The following TGS1 variants were observed in gnomAD, a reference collection of about 807,000 sequenced individuals.
TGS1 encodes trimethylguanosine synthase.
In TGS1, 69 loss-of-function variants were observed where a neutral mutation model predicts 92.2. The ratio of observed to expected loss-of-function variants is 0.75; its 90% CI spans 0.62 to 0.91. The LOEUF (loss-of-function observed/expected upper bound fraction) is 0.91, where lower values mean the gene tolerates loss of function less well. Ranked by LOEUF, TGS1 falls within the 40% of genes least tolerant of loss-of-function variation. The probability of loss-of-function intolerance (pLI) is 0.00; values close to 1 mark genes in which losing one functional copy is unlikely to be tolerated. For missense variants in TGS1, 1,062 were observed against 1,001.2 expected (o/e 1.06, Z -0.82); for synonymous variants, 345 against 338.1 (o/e 1.02, Z -0.22).
chr8:55,788,892 C>T (rs1056640792), intron 4 of TGS1, among the ~76,000 whole-genome samples: 1 of 152,144 alleles, frequency 6.6e-6, no homozygotes, highest in Non-Finnish European at 1.5e-5. Context: ...GACTTACAGT[C>T]TCATTTACCC....
Position 55,786,596 on chromosome 8 carries a change from C to A in TGS1, c.698C>A (p.Thr233Lys), listed in dbSNP as rs756086900. The change falls in exon 4 of 13, where the codon ACA becomes AAA. Residue 233 changes from threonine (T) to lysine (K), a missense_variant. Transcript: ENST00000260129. ...LSSEPWNFPD[T>K]KEEWEQHYSQ... ...TCTGAACCTTGGAACTTTCCTGATA[C>A]AAAGGAAGAATGGGAGCAACATTAT... 63 of 1,614,090 alleles carry A rather than the reference C, an allele frequency of 3.9e-5. No homozygotes were observed. The highest frequency in any genetic ancestry group is 3.7e-4 in the South Asian group (34 of 91,082).
At chr8:55,779,479 C>T (rs181530930) in intron 1 of TGS1, among the ~76,000 whole-genome samples, 40 of 152,294 alleles carry the variant, frequency 2.6e-4, no homozygotes, top group Non-Finnish European at 5.4e-4. Context: ...AGAAGGCTTA[C>T]AGGCTAGCAC....
chr8:55,787,882 C>G (rs1249367443), intron 4 of TGS1, among the ~76,000 whole-genome samples: 5 of 150,686 alleles, frequency 3.3e-5, no homozygotes, highest in Admixed American at 2.6e-4. Flanking sequence ...TGCCACATGG[C>G]AAGAGAGAGA....
chr8:55,820,659 C>G (rs1803612525), intron 12 of TGS1, among the ~76,000 whole-genome samples: 1 of 152,188 alleles, frequency 6.6e-6, no homozygotes, highest in Non-Finnish European at 1.5e-5. Flanking sequence ...TTGCCAGTCC[C>G]CAAAGAACAG....
chr8:55,779,397 C>T (rs968413053), intron 1 of TGS1, among the ~76,000 whole-genome samples: 1 of 152,204 alleles, frequency 6.6e-6, no homozygotes, highest in African/African-American at 2.4e-5. Flanking sequence ...ATCTGATTTA[C>T]CTCTCACCCA....
At chr8:55,823,203 G>T (rs1334423204) in intron 12 of TGS1, among the ~76,000 whole-genome samples, 4 of 152,158 alleles carry the variant, frequency 2.6e-5, no homozygotes, top group Non-Finnish European at 5.9e-5. Context: ...GAGAGGTTGG[G>T]TGAAGAAAGT....
rs552122959 is a variant in TGS1 at position 55,814,004 on chromosome 8, A to G, written c.2439+886A>G. On this transcript the variant is annotated intron_variant, in intron 12 of 12. Coordinates refer to ENST00000260129, the MANE Select transcript of TGS1 (RefSeq NM_024831.8). Reference sequence around the variant, plus strand: ...GCTCTATCACCCAGGCTGGAGTGCAATGGCCCAAACACGGCTCACTGCAGC... The same window carrying G: ...GCTCTATCACCCAGGCTGGAGTGCAGTGGCCCAAACACGGCTCACTGCAGC... 5.9e-5 allele frequency among the ~76,000 whole-genome samples: 9 copies of G among 152,134 alleles called. No homozygotes were observed. In the South Asian group the frequency reaches 8.3e-4, roughly 14 times the overall value.
At chr8:55,776,333 T>G (rs1349267825) in intron 1 of TGS1, among the ~76,000 whole-genome samples, 1 of 145,338 alleles carries the variant, frequency 6.9e-6, no homozygotes, top group Non-Finnish European at 1.5e-5. Context: ...CAGGCCAGAG[T>G]GCAGTGGCGA....
At chr8:55,800,106 ATTTC>A (rs1181217470) in intron 8 of TGS1, among the ~76,000 whole-genome samples, 17 of 151,862 alleles carry the variant, frequency 1.1e-4, no homozygotes, top group Admixed American at 1.1e-3. Flanking sequence ...CCTTCATCAT[ATTTC>A]TTTATTACTA....
chr8:55,797,173 C>G (rs1439696707), intron 7 of TGS1, among the ~76,000 whole-genome samples: 3 of 152,024 alleles, frequency 2.0e-5, no homozygotes, highest in Non-Finnish European at 4.4e-5. Flanking sequence ...CTGGGGAGGC[C>G]TCAGAAAACT....
chr8:55,786,512 A>C lies in TGS1; in HGVS notation c.614A>C (p.Tyr205Ser), dbSNP rs373074276. The change falls in exon 4 of 13, where the codon TAT (tyrosine) becomes TCT (serine). Residue 205 changes from tyrosine to serine, a missense_variant. Coordinates refer to ENST00000260129, the MANE Select transcript of TGS1 (RefSeq NM_024831.8). Reference sequence around the variant, plus strand: ...AAATGGGAAAAGTATTGGAATGAATATGGAGGAGGACTATTGTGGCAAAGT... The same window carrying C: ...AAATGGGAAAAGTATTGGAATGAATCTGGAGGAGGACTATTGTGGCAAAGT... ...TEKWEKYWNE[Y>S]GGGLLWQSWQ... The C allele has an allele frequency of 6.2e-7, 1 of 1,614,086 alleles. No individual in the cohort carries two copies. Among genetic ancestry groups the C allele is most frequent in the African/African-American group, 1.3e-5 (1 of 74,946 alleles).
rs2130129301 is a variant in TGS1, at chr8:55,786,454, A to C, written c.556A>C (p.Asn186His). 1 of 1,614,002 alleles carries C rather than the reference A, an allele frequency of 6.2e-7. No individual in the cohort carries two copies. The highest frequency in any genetic ancestry group is 8.5e-7 in the Non-Finnish European group (1 of 1,179,972). The change falls in exon 4 of 13, where the codon AAC (asparagine) becomes CAC (histidine). Residue 186 changes from asparagine (N) to histidine (H), a missense_variant. Transcript: ENST00000260129. ...TGAGACAGAAAATCCTCCAGTTGAAAACACATTATCTCCAAAGCTAGAAAT... is the reference window on the plus strand; with the variant it reads ...TGAGACAGAAAATCCTCCAGTTGAACACACATTATCTCCAAAGCTAGAAAT... ...DTETENPPVE[N>H]TLSPKLEITE... is the part of the protein sequence containing the mutation.
At chr8:55,820,258 A>G (rs1803596775) in intron 12 of TGS1, among the ~76,000 whole-genome samples, 2 of 152,270 alleles carry the variant, frequency 1.3e-5, no homozygotes, top group Middle Eastern at 3.4e-3. Context: ...GAAAAAATGC[A>G]GTTTTGCTCC....
chr8:55,804,217 A>G (rs1216143583), intron 9 of TGS1, among the ~76,000 whole-genome samples: 1 of 152,110 alleles, frequency 6.6e-6, no homozygotes, highest in Non-Finnish European at 1.5e-5. Context: ...GAGGCAGGCA[A>G]ATCACTTGAG....
intron 4 of TGS1, among the ~76,000 whole-genome samples, 178 bp downstream of exon 4, chr8:55,787,238 G>T (rs1811746520): frequency 1.3e-5 from 2 of 152,012 alleles, no homozygotes; most frequent in South Asian, 4.1e-4. Flanking sequence ...CTATTAATAA[G>T]AATATTTGCA....
At chr8:55,810,584 T>A (rs1014952141) in intron 10 of TGS1, among the ~76,000 whole-genome samples, 3 of 152,246 alleles carry the variant, frequency 2.0e-5, no homozygotes, top group Non-Finnish European at 2.9e-5. Flanking sequence ...GGCCACATAT[T>A]TGGCACTCAG....
intron 6 of TGS1, among the ~76,000 whole-genome samples, chr8:55,793,663 G>A (rs1316652920): frequency 6.6e-6 from 1 of 152,056 alleles, no homozygotes; most frequent in Non-Finnish European, 1.5e-5. Flanking sequence ...CGCCTCCTGG[G>A]TTCAAGTGAT....
chr8:55,812,877 C>A (rs1476978704), intron 11 of TGS1, among the ~76,000 whole-genome samples, 163 bp from the exon 12 acceptor site: 1 of 152,096 alleles, frequency 6.6e-6, no homozygotes, highest in East Asian at 1.9e-4. Flanking sequence ...TGCTGAATTA[C>A]AAAATTTTGT....
rs142154911 is a variant in TGS1 at position 55,813,172 on chromosome 8, C to T, written c.2439+54C>T. 1.8e-4 allele frequency: 232 copies of T among 1,260,922 alleles called. No homozygotes were observed. In the African/African-American group the frequency reaches 2.9e-3, roughly 16 times the overall value. The allele number at this position is 1,260,922 out of a possible 1,614,324, so 78.1% of individuals were successfully genotyped here. On this transcript the variant is annotated intron_variant, in intron 12 of 12. Transcript: ENST00000260129. The stretch of plus-strand genomic sequence containing the variant: ...GTGTCTGTCTTAACTGTTACAAGTA[C>T]GGTAAAAGATACAGGACATATCCTT...
Sources: gnomAD v4.1 joint callset for allele counts (sites outside exome capture counted in the v4.1 genomes callset) on GRCh38, gnomAD v4.1.1 for gene constraint, MANE v1.5 for transcripts, NCBI Gene and HGNC (gene_info 2026-07-23, HGNC 2026-07-21) for gene names.